Variants in DHX35 observed in about 807,000 individuals in gnomAD.
DHX35 encodes DEAH-box helicase 35.
In DHX35, 84 loss-of-function variants were observed where a neutral mutation model predicts 99.6. That is an observed-to-expected ratio of 0.84 (90% CI 0.71 to 1.01). The LOEUF is 1.01. DHX35 is among the 50% of genes least tolerant of loss of function. The probability of loss-of-function intolerance (pLI) is 0.00; values close to 1 mark genes in which losing one functional copy is unlikely to be tolerated. For missense variants in DHX35, 852 were observed against 888.5 expected (o/e 0.96, Z 0.52); for synonymous variants, 331 against 316.2 (o/e 1.05, Z -0.50).
At chr20:38,990,514 T>C (rs1017018878) in intron 5 of DHX35, among the ~76,000 whole-genome samples, 1 of 152,242 alleles carries the variant, frequency 6.6e-6, no homozygotes, top group African/African-American at 2.4e-5. Context: ...CAGTCAGTCC[T>C]CTGCATCCTG....
At chr20:39,011,256 GTT>G (rs1187137257) in intron 13 of DHX35, among the ~76,000 whole-genome samples, 2 of 142,970 alleles carry the variant, frequency 1.4e-5, no homozygotes, top group African/African-American at 5.1e-5. Flanking sequence ...ATATTTTACT[GTT>G]TTTTTTTTAA....
intron 16 of DHX35, among the ~76,000 whole-genome samples, chr20:39,022,727 CATTATA>C (rs1235033931): frequency 6.6e-6 from 1 of 152,176 alleles, no homozygotes; most frequent in Non-Finnish European, 1.5e-5. Flanking sequence ...GCAGGTGGGC[CATTATA>C]AGCTAGAGAG....
chr20:38,979,364 G>A (rs542386035), intron 3 of DHX35, among the ~76,000 whole-genome samples: 3 of 152,160 alleles, frequency 2.0e-5, no homozygotes, highest in Admixed American at 6.5e-5. Flanking sequence ...AAACACATGT[G>A]CATTTGAATT....
intron 13 of DHX35, 52 bp downstream of exon 13, chr20:39,010,456 G>A (rs1210220883): frequency 6.2e-7 from 1 of 1,605,180 alleles, no homozygotes; most frequent in South Asian, 1.1e-5. Flanking sequence ...AGCTCACAGG[G>A]GGATGTCAGG....
In DHX35 at chr20:39,034,195, T is replaced by A; in HGVS notation, c.1956-11T>A. The A allele has an allele frequency of 6.4e-7, 1 of 1,570,750 alleles. No individual in the cohort carries two copies. ...AGGGGGAAATTAGCTCATGTTTCTT[T>A]CTCATTTCAGGGTCATCTATAACGA... On this transcript the variant is annotated splice_polypyrimidine_tract_variant and intron_variant, in intron 20 of 21. Transcript: ENST00000252011.
intron 4 of DHX35, among the ~76,000 whole-genome samples, 191 bp from the exon 5 acceptor site, chr20:38,988,620 ACT>A (rs1251456723): frequency 6.6e-6 from 1 of 151,872 alleles, no homozygotes; most frequent in Non-Finnish European, 1.5e-5. Context: ...ACAGAGTGAG[ACT>A]CTGTCTCAAT....
Position 38,966,881 on chromosome 20 carries a change from A to T in DHX35, c.41-2200A>T, listed in dbSNP as rs534614734. Among the ~76,000 whole-genome samples the T allele has an allele frequency of 2.1e-4, 32 of 152,356 alleles. 2 individuals are homozygous for T. The South Asian group carries it at 6.2e-3, about 30-fold the overall frequency. ...TCTTGAGTAACAATTACAAGGAATT[A>T]TTAAGATGTAGTGACAAGAAGGGAA... On this transcript the variant is annotated intron_variant, in intron 1 of 21. Transcript: ENST00000252011.
At chr20:39,027,305 G>T (rs183200038) in intron 18 of DHX35, among the ~76,000 whole-genome samples, 1 of 152,068 alleles carries the variant, frequency 6.6e-6, no homozygotes, top group East Asian at 1.9e-4. Context: ...AACATCTAAG[G>T]GTTAAAAAAT....
intron 4 of DHX35, among the ~76,000 whole-genome samples, chr20:38,985,282 G>A (rs189195937): frequency 2.7e-3 from 409 of 151,254 alleles, no homozygotes; most frequent in Admixed American, 6.3e-3. Flanking sequence ...CAGCTACTTC[G>A]GAGGCTGAGC....
intron 7 of DHX35, among the ~76,000 whole-genome samples, chr20:38,992,631 A>AGT (rs2086358663): frequency 6.6e-6 from 1 of 151,314 alleles, no homozygotes; most frequent in Admixed American, 6.6e-5. Context: ...TGTGTGAGTG[A>AGT]GTGTGTGTGT....
intron 20 of DHX35, among the ~76,000 whole-genome samples, chr20:39,031,993 T>C (rs1197947746): frequency 6.6e-6 from 1 of 152,226 alleles, no homozygotes; most frequent in Non-Finnish European, 1.5e-5. Context: ...AGTAGGCCTT[T>C]AGACATCTTT....
chr20:39,006,105 G>A, intron 11 of DHX35, 41 bp from the exon 12 acceptor site: 1 of 1,592,156 alleles, frequency 6.3e-7, no homozygotes, highest in Non-Finnish European at 8.6e-7. Context: ...AAAGCAAAAA[G>A]AATAAAATGA....
At chr20:38,978,742 G>T (rs2086121872) in intron 3 of DHX35, among the ~76,000 whole-genome samples, 1 of 152,022 alleles carries the variant, frequency 6.6e-6, no homozygotes, top group African/African-American at 2.4e-5. Flanking sequence ...ATGTTTTTGA[G>T]GTCATATCCA....
At chr20:39,020,880 T>G (rs943434773) in intron 15 of DHX35, among the ~76,000 whole-genome samples, 1 of 151,976 alleles carries the variant, frequency 6.6e-6, no homozygotes, top group Non-Finnish European at 1.5e-5. Flanking sequence ...CCAGGCTGGT[T>G]TTGAACTCCT....
chr20:38,969,277 T>G, intron 2 of DHX35, 63 bp downstream of exon 2: 1 of 1,536,548 alleles, frequency 6.5e-7, no homozygotes, highest in Non-Finnish European at 8.8e-7. Context: ...AGCTTTATGC[T>G]CAGCACTGAA....
chr20:38,968,096 A>G (rs1196217260), intron 1 of DHX35, among the ~76,000 whole-genome samples: 1 of 152,186 alleles, frequency 6.6e-6, no homozygotes, highest in East Asian at 1.9e-4. Context: ...TGGCATCTGT[A>G]TTGTTCACTG....
chr20:39,022,052 T>C, intron 16 of DHX35, 117 bp downstream of exon 16: 1 of 923,692 alleles, frequency 1.1e-6, no homozygotes, highest in South Asian at 1.7e-5. Flanking sequence ...GATCTGCTCA[T>C]GTTTTGAGTG....
chr20:39,018,797 A>C lies in DHX35; in HGVS notation c.1403-7A>C. On this transcript the variant is annotated splice_region_variant and splice_polypyrimidine_tract_variant and intron_variant, in intron 14 of 21. Transcript: ENST00000252011. ...CCTTCTGATTTCTTTTGTTGTTCTT[A>C]TGGCAGGTCTGGACAAAGACTGTCG... is the stretch of plus-strand genomic sequence containing the variant. The C allele has an allele frequency of 6.2e-7, 1 of 1,613,394 alleles. No homozygotes were observed. The highest frequency in any genetic ancestry group is 8.5e-7 in the Non-Finnish European group (1 of 1,179,596).
At position 39,034,206 on chromosome 20, in the gene DHX35, G is replaced by A; in HGVS notation, c.1956G>A (p.Trp652Ter). Residue 652 changes from tryptophan to a stop codon, truncating the protein, a stop_gained and splice_region_variant, in exon 21 of 22, where the codon TGG (tryptophan) becomes TGA (stop). Transcript: ENST00000252011. LOFTEE classifies it high-confidence loss of function. ...SVLYAEKPPR[W>*]VIYNEVIQTS... ...AGCTCATGTTTCTTTCTCATTTCAG[G>A]GTCATCTATAACGAAGTTATACAGA... 6.2e-7 allele frequency: 1 copy of A among 1,609,616 alleles called. No homozygotes were observed. Among genetic ancestry groups the A allele is most frequent in the Non-Finnish European group, 8.5e-7 (1 of 1,176,408 alleles).
Sources: allele counts gnomAD v4.1 joint callset (sites outside exome capture counted in the v4.1 genomes callset), GRCh38; gene constraint gnomAD v4.1.1; transcripts MANE v1.5; gene names NCBI Gene and HGNC (gene_info 2026-07-23, HGNC 2026-07-21).